SOX5: variants seen among roughly 807,000 people sequenced by gnomAD.
SOX5 encodes the protein transcription factor SOX-5.
In SOX5, 9 loss-of-function variants were observed where a neutral mutation model predicts 92.0. That is an observed-to-expected ratio of 0.10 (90% CI 0.06 to 0.17). The LOEUF (loss-of-function observed/expected upper bound fraction) is 0.17, where lower values mean the gene tolerates loss of function less well. SOX5 is among the 10% of genes least tolerant of loss of function. The probability of loss-of-function intolerance (pLI) is 1.00; values close to 1 mark genes in which losing one functional copy is unlikely to be tolerated. For synonymous variants in SOX5, 344 were observed against 336.3 expected, an observed-to-expected ratio of 1.02 and a Z score of -0.25; for missense variants, 642 against 944.5, an observed-to-expected ratio of 0.68 and a Z score of 4.20.
intron 4 of SOX5, among the ~76,000 whole-genome samples, chr12:24,004,196 T>G (rs968219237): frequency 5.9e-5 from 9 of 151,298 alleles, no homozygotes; most frequent in African/African-American, 2.2e-4. Context: ...TCTAGAAATG[T>G]TTAGAAGAAA....
At chr12:23,759,418 G>A (rs576349951) in intron 3 of SOX5, among the ~76,000 whole-genome samples, 2 of 152,054 alleles carry the variant, frequency 1.3e-5, no homozygotes, top group East Asian at 3.9e-4. Context: ...TTGGCCTGTG[G>A]GGGTGACGAG....
chr12:23,749,047 C>G (rs1376793776), intron 4 of SOX5, among the ~76,000 whole-genome samples: 2 of 151,892 alleles, frequency 1.3e-5, no homozygotes, highest in Non-Finnish European at 2.9e-5. Context: ...CTTCTTTCAG[C>G]AGCACTCTTA....
chr12:23,581,936 C>T (rs2136909313), intron 9 of SOX5, among the ~76,000 whole-genome samples: 1 of 151,906 alleles, frequency 6.6e-6, no homozygotes, highest in East Asian at 1.9e-4. Context: ...AGGCTTCTTC[C>T]TCTGCATGAT....
At chr12:24,388,790 G>A (rs996156095) in intron 1 of SOX5, among the ~76,000 whole-genome samples, 58 of 151,896 alleles carry the variant, frequency 3.8e-4, no homozygotes, top group African/African-American at 1.3e-3. Flanking sequence ...GCATCCCCAG[G>A]TAGCCATGAA....
intron 1 of SOX5, among the ~76,000 whole-genome samples, chr12:23,923,515 A>C (rs963944918): frequency 6.6e-5 from 10 of 152,216 alleles, no homozygotes; most frequent in African/African-American, 2.4e-4. Flanking sequence ...AAATATACCT[A>C]GCACTGAGCC....
chr12:24,485,968 T>C (rs1004438812), intron 1 of SOX5, among the ~76,000 whole-genome samples: 3 of 152,220 alleles, frequency 2.0e-5, no homozygotes, highest in African/African-American at 7.2e-5. Flanking sequence ...TTGCTGCTGC[T>C]GCTGTTGAGA....
chr12:23,547,871 G>A (rs1429659350), intron 11 of SOX5, among the ~76,000 whole-genome samples: 6 of 152,034 alleles, frequency 3.9e-5, no homozygotes, highest in Admixed American at 6.6e-5. Flanking sequence ...GTTGTTTTCA[G>A]CTGCTTCATA....
chr12:24,093,799 G>T (rs1944975492), intron 4 of SOX5, among the ~76,000 whole-genome samples: 1 of 151,064 alleles, frequency 6.6e-6, no homozygotes, highest in Non-Finnish European at 1.5e-5. Context: ...TCTAGATATT[G>T]CCAAATTGCT....
intron 11 of SOX5, among the ~76,000 whole-genome samples, chr12:23,558,766 C>T (rs1236933552): frequency 6.6e-6 from 1 of 152,122 alleles, no homozygotes; most frequent in Non-Finnish European, 1.5e-5. Context: ...CCACACCTGG[C>T]TAATTTTGTA....
chr12:24,048,717 G>A (rs182058763), intron 4 of SOX5, among the ~76,000 whole-genome samples: 5 of 152,280 alleles, frequency 3.3e-5, no homozygotes, highest in South Asian at 2.1e-4. Context: ...CAGGACGAAC[G>A]AAGCTTGAAA....
intron 4 of SOX5, among the ~76,000 whole-genome samples, chr12:24,195,544 A>G (rs779780433): frequency 3.3e-5 from 5 of 152,320 alleles, no homozygotes; most frequent in Admixed American, 6.5e-5. Context: ...CAAATTTAAC[A>G]TTAAGAATGG....
intron 4 of SOX5, among the ~76,000 whole-genome samples, chr12:24,008,582 T>G (rs1354448568): frequency 6.6e-6 from 1 of 152,190 alleles, no homozygotes; most frequent in Non-Finnish European, 1.5e-5. Flanking sequence ...AGCTTATTTC[T>G]TTAAGGTATT....
intron 9 of SOX5, among the ~76,000 whole-genome samples, chr12:23,577,497 C>T (rs1949355705): frequency 6.6e-6 from 1 of 151,842 alleles, no homozygotes; most frequent in Non-Finnish European, 1.5e-5. Context: ...TGGCGCCTGG[C>T]CTCAAGTCTA....
At position 24,337,036 on chromosome 12, in the gene SOX5, G is replaced by GTA. The variant is rs372829603; in HGVS notation, c.-174+31525_-174+31526dup. Reference sequence around the variant, plus strand: ...GATGCTTACTGAAAGGAAATTAAGAGTATGAGATCTCAAAATTCTCTGTCA... The same window carrying GTA: ...GATGCTTACTGAAAGGAAATTAAGAGTATATGAGATCTCAAAATTCTCTGTCA... On this transcript the variant is annotated intron_variant, in intron 2 of 4. Transcript: ENST00000446891. 1.3e-3 allele frequency among the ~76,000 whole-genome samples: 203 copies of GTA among 152,276 alleles called. 1 individual carries two copies. The highest frequency in any genetic ancestry group is 4.6e-3 in the African/African-American group (192 of 41,576).
intron 7 of SOX5, among the ~76,000 whole-genome samples, chr12:23,658,610 C>G (rs146761220): frequency 1.0e-3 from 153 of 152,164 alleles, no homozygotes; most frequent in African/African-American, 3.5e-3. Context: ...ATACAGAAAC[C>G]AGCTGGGCAT....
chr12:24,510,780 T>C (rs1355455293), intron 1 of SOX5, among the ~76,000 whole-genome samples: 1 of 152,210 alleles, frequency 6.6e-6, no homozygotes, highest in East Asian at 1.9e-4. Flanking sequence ...GATACCAGCA[T>C]GATTTTGAGG....
chr12:24,072,322 A>G (rs1013625059), intron 4 of SOX5, among the ~76,000 whole-genome samples: 3 of 152,236 alleles, frequency 2.0e-5, no homozygotes, highest in Middle Eastern at 3.2e-3. Context: ...GTGTGCTCCT[A>G]AAAGAAATAA....
At chr12:23,821,109 G>T (rs2096105850) in intron 3 of SOX5, among the ~76,000 whole-genome samples, 1 of 152,098 alleles carries the variant, frequency 6.6e-6, no homozygotes, top group African/African-American at 2.4e-5. Context: ...TTGAGCAGTG[G>T]TTTGTAGTTC....
intron 4 of SOX5, among the ~76,000 whole-genome samples, chr12:23,965,923 C>A (rs771957729): frequency 6.6e-5 from 10 of 152,150 alleles, no homozygotes; most frequent in Non-Finnish European, 1.2e-4. Context: ...CCAGCCATTT[C>A]TTTGCATTTT....
Sources: allele counts gnomAD v4.1 joint callset (sites outside exome capture counted in the v4.1 genomes callset), GRCh38; gene constraint gnomAD v4.1.1; transcripts MANE v1.5; gene names NCBI Gene and HGNC (gene_info 2026-07-23, HGNC 2026-07-21).